The following MSI2 variants were observed in gnomAD, a reference collection of about 807,000 sequenced individuals.
The protein encoded by MSI2 is musashi RNA binding protein 2.
MSI2 carries 17 observed loss-of-function variants against 45.6 expected under a neutral mutation model. The observed-to-expected ratio is 0.37, with a 90% confidence interval of 0.26 to 0.56. The LOEUF is 0.56. Among genes scored for constraint, MSI2 ranks in the 20% least tolerant of loss-of-function variants. The pLI, the probability that MSI2 is intolerant of heterozygous loss-of-function variation, is 0.77. For missense variants in MSI2, 293 were observed against 444.2 expected, an observed-to-expected ratio of 0.66 and a Z score of 3.06; for synonymous variants, 156 against 158.2, an observed-to-expected ratio of 0.99 and a Z score of 0.11.
chr17:57,414,751 G>A (rs1273504064), intron 6 of MSI2, among the ~76,000 whole-genome samples: 2 of 152,028 alleles, frequency 1.3e-5, no homozygotes, highest in African/African-American at 4.8e-5. Flanking sequence ...CCATTATCTG[G>A]AGCATTTCCT....
At chr17:57,560,805 C>T (rs2087556639) in intron 7 of MSI2, among the ~76,000 whole-genome samples, 1 of 152,162 alleles carries the variant, frequency 6.6e-6, no homozygotes, top group Admixed American at 6.5e-5. Flanking sequence ...TGGTTGCCAC[C>T]AGCACAAGCA....
At chr17:57,464,729 A>G (rs1598300307) in intron 6 of MSI2, among the ~76,000 whole-genome samples, 1 of 152,026 alleles carries the variant, frequency 6.6e-6, no homozygotes, top group South Asian at 2.1e-4. Flanking sequence ...CTGGTAGGCC[A>G]CTCTGTTCCT....
At chr17:57,269,021 G>A (rs1409974429) in intron 5 of MSI2, among the ~76,000 whole-genome samples, 1 of 152,138 alleles carries the variant, frequency 6.6e-6, no homozygotes, top group Admixed American at 6.6e-5. Context: ...TACTGGAAAG[G>A]GTGGGATAAG....
chr17:57,512,968 C>CTTTT lies in MSI2; in HGVS notation c.406-16694_406-16691dup, dbSNP rs34727727. On this transcript the variant is annotated intron_variant, in intron 6 of 13. Transcript: ENST00000284073. The stretch of plus-strand genomic sequence containing the variant: ...ATATTGCACATGAATTAGCTTCTTC[C>CTTTT]TTTTTTTTTTTTTTTTTCCTTCTGA... Among the ~76,000 whole-genome samples the CTTTT allele has an allele frequency of 1.5e-4, 17 of 114,726 alleles. 1 individual carries two copies. The highest frequency in any genetic ancestry group is 5.8e-4 in the South Asian group (2 of 3,434). 75.3% of individuals were successfully genotyped at this position (114,726 alleles called of 152,430 possible).
Position 57,479,662 on chromosome 17 carries a change from T to G in MSI2, c.406-50014T>G, listed in dbSNP as rs143968020. On this transcript the variant is annotated intron_variant, in intron 6 of 13. Transcript: ENST00000284073. ...AGCAGCGGTGAAAGACTCAGACACATCTGCACTAATTGGAGCCACTGAACT... is the reference window on the plus strand; with the variant it reads ...AGCAGCGGTGAAAGACTCAGACACAGCTGCACTAATTGGAGCCACTGAACT... Among the ~76,000 whole-genome samples the G allele has an allele frequency of 1.5e-4, 23 of 152,296 alleles. No individual in the cohort carries two copies. The East Asian group carries it at 4.4e-3, about 29-fold the overall frequency.
At chr17:57,394,440 C>T (rs1010709696) in intron 5 of MSI2, among the ~76,000 whole-genome samples, 35 of 152,170 alleles carry the variant, frequency 2.3e-4, no homozygotes, top group Admixed American at 2.0e-4. Context: ...GCCTGGCCCA[C>T]AGATGATCTA....
the MSI2 span, among the ~76,000 whole-genome samples, chr17:57,696,048 C>A: frequency 6.6e-6 from 1 of 152,166 alleles, no homozygotes; most frequent in African/African-American, 2.4e-5. Flanking sequence ...TACAGCCACA[C>A]TGGGGGTTAG....
chr17:57,429,099 C>G, intron 6 of MSI2, among the ~76,000 whole-genome samples: 1 of 152,126 alleles, frequency 6.6e-6, no homozygotes, highest in East Asian at 1.9e-4. Flanking sequence ...ACATGGAGAG[C>G]TAGTGGTCCT....
At chr17:57,396,303 G>A (rs1418472829) in intron 5 of MSI2, among the ~76,000 whole-genome samples, 14 of 151,660 alleles carry the variant, frequency 9.2e-5, no homozygotes, top group Non-Finnish European at 2.1e-4. Context: ...CAGTGCTGTT[G>A]GAATTAAGTT....
At chr17:57,269,642 GA>G (rs1908166417) in intron 5 of MSI2, among the ~76,000 whole-genome samples, 1 of 152,188 alleles carries the variant, frequency 6.6e-6, no homozygotes, top group Non-Finnish European at 1.5e-5. Context: ...AAGGGACCAT[GA>G]TATAGATACA....
chr17:57,391,493 G>A (rs890731853), intron 5 of MSI2, among the ~76,000 whole-genome samples: 6 of 152,150 alleles, frequency 3.9e-5, no homozygotes, highest in Non-Finnish European at 8.8e-5. Flanking sequence ...TATTATTGTT[G>A]TATTTGCATC....
At chr17:57,643,639 C>G (rs970824549) in intron 10 of MSI2, among the ~76,000 whole-genome samples, 2 of 152,264 alleles carry the variant, frequency 1.3e-5, no homozygotes, top group African/African-American at 4.8e-5. Context: ...TTTTATGCTT[C>G]CACAAAGCCA....
intron 5 of MSI2, among the ~76,000 whole-genome samples, chr17:57,337,578 G>A (rs1324542754): frequency 6.6e-6 from 1 of 152,118 alleles, no homozygotes; most frequent in Non-Finnish European, 1.5e-5. Flanking sequence ...CCTGGCGGCT[G>A]TCCCTGTCGT....
At chr17:57,666,330 A>G (rs1912362136) in intron 11 of MSI2, among the ~76,000 whole-genome samples, 1 of 152,248 alleles carries the variant, frequency 6.6e-6, no homozygotes, top group South Asian at 2.1e-4. Flanking sequence ...GGGGTTACAC[A>G]GCTGCTCTTA....
chr17:57,572,966 A>T (rs1417457698), intron 7 of MSI2, among the ~76,000 whole-genome samples: 3 of 152,224 alleles, frequency 2.0e-5, no homozygotes, highest in African/African-American at 7.2e-5. Context: ...ACTGCTGTGC[A>T]AGTGTGGACG....
chr17:57,568,887 G>A (rs1441327851), intron 7 of MSI2, among the ~76,000 whole-genome samples: 1 of 152,204 alleles, frequency 6.6e-6, no homozygotes. Flanking sequence ...GGAAAGGTTA[G>A]CAGGTAGAAG....
intron 6 of MSI2, among the ~76,000 whole-genome samples, chr17:57,463,828 A>G (rs1598299196): frequency 1.3e-5 from 2 of 151,116 alleles, no homozygotes; most frequent in East Asian, 1.9e-4. Flanking sequence ...TTCATTCTCT[A>G]TATTATCCAA....
At chr17:57,367,785 A>G (rs1917306242) in intron 5 of MSI2, among the ~76,000 whole-genome samples, 1 of 152,054 alleles carries the variant, frequency 6.6e-6, no homozygotes, top group Admixed American at 6.5e-5. Context: ...TCCGGGAGAG[A>G]GGGTTGGAGT....
intron 6 of MSI2, among the ~76,000 whole-genome samples, chr17:57,472,085 T>A (rs1455496957): frequency 6.6e-6 from 1 of 152,116 alleles, no homozygotes; most frequent in Non-Finnish European, 1.5e-5. Context: ...GGTGAGAGGC[T>A]CAGCAGGGTG....
Sources: allele counts gnomAD v4.1 joint callset (sites outside exome capture counted in the v4.1 genomes callset), GRCh38; gene constraint gnomAD v4.1.1; transcripts MANE v1.5; gene names NCBI Gene and HGNC (gene_info 2026-07-23, HGNC 2026-07-21).